The following CROCC2 variants were observed in gnomAD, a reference collection of about 807,000 sequenced individuals.
The protein encoded by CROCC2 is ciliary rootlet coiled-coil protein 2.
CROCC2 carries 163 observed loss-of-function variants against 177.6 expected under a neutral mutation model. That is an observed-to-expected ratio of 0.92 (90% CI 0.81 to 1.05). CROCC2 has a LOEUF of 1.05. Ranked by LOEUF, CROCC2 falls within the 50% of genes least tolerant of loss-of-function variation. The pLI is 0.00. For synonymous variants in CROCC2, 904 were observed against 787.3 expected, an observed-to-expected ratio of 1.15 and a Z score of -2.48; for missense variants, 1,929 against 1,797.8, an observed-to-expected ratio of 1.07 and a Z score of -1.32.
chr2:240,921,795 T>C (rs966788460), intron 3 of CROCC2, among the ~76,000 whole-genome samples: 4 of 152,232 alleles, frequency 2.6e-5, no homozygotes, highest in Non-Finnish European at 5.9e-5. Flanking sequence ...AGGGGCCCCT[T>C]GGCTCTCCCA....
At position 240,950,493 on chromosome 2, in the gene CROCC2, G is replaced by C. The variant is rs1192818491; in HGVS notation, c.2812G>C (p.Glu938Gln). Residue 938 changes from glutamate (E) to glutamine (Q), a missense_variant, in exon 18 of 32, where the codon GAG becomes CAG. Glu to Gln is a conservative substitution (Grantham distance 29, BLOSUM62 2). Coordinates refer to ENST00000690015, the MANE Select transcript of CROCC2 (RefSeq NM_001351305.2). ...QERDESLLQL[E>Q]HKMQQALSLK... ...GCGGGACGAGAGCCTTCTCCAACTG[G>C]AGCACAAGATGCAACAGGTGATGGT... 11 of 1,549,682 alleles carry C rather than the reference G, an allele frequency of 7.1e-6. No homozygotes were observed. In the Admixed American group the frequency reaches 1.6e-4, roughly 22 times the overall value.
chr2:240,911,099 C>G (rs113477302), intron 1 of CROCC2, among the ~76,000 whole-genome samples: 3,805 of 151,974 alleles, frequency 0.025, 148 homozygotes, highest in African/African-American at 0.086. Context: ...CCACTGTACT[C>G]CAGCCTGGGA....
intron 19 of CROCC2, among the ~76,000 whole-genome samples, chr2:240,956,612 C>G (rs1236796894): frequency 6.6e-6 from 1 of 152,200 alleles, no homozygotes; most frequent in Non-Finnish European, 1.5e-5. Flanking sequence ...CCTGGGTCCT[C>G]CCCTGGAGCC....
At position 240,958,716 on chromosome 2, in the gene CROCC2, C is replaced by G; in HGVS notation, c.2944-585C>G. On this transcript the variant is annotated intron_variant, in intron 19 of 31. Coordinates refer to ENST00000690015, the MANE Select transcript of CROCC2 (RefSeq NM_001351305.2). The surrounding 1 kb of genome is among the most constrained non-coding windows in gnomAD (Gnocchi z 6.7). Reference sequence around the variant, plus strand: ...CCAGGAAGCTGAGACCCCCTGAGCCCCATCTGCCCTGCTGCCGCAACCTGG... The same window carrying G: ...CCAGGAAGCTGAGACCCCCTGAGCCGCATCTGCCCTGCTGCCGCAACCTGG... 2.2e-6 allele frequency: 1 copy of G among 451,634 alleles called. No homozygotes were observed. The highest frequency in any genetic ancestry group is 2.9e-6 in the Non-Finnish European group (1 of 341,986). The allele number at this position is 451,634 out of a possible 1,614,324, so 28.0% of individuals were successfully genotyped here.
chr2:240,940,344 A>G (rs1409242090), intron 14 of CROCC2, among the ~76,000 whole-genome samples: 2 of 152,122 alleles, frequency 1.3e-5, no homozygotes, highest in Non-Finnish European at 2.9e-5. Flanking sequence ...ATCTCTAGCA[A>G]TACTCTTTTT....
chr2:240,981,318 C>G (rs2059797987), intron 27 of CROCC2, among the ~76,000 whole-genome samples: 1 of 152,202 alleles, frequency 6.6e-6, no homozygotes, highest in Non-Finnish European at 1.5e-5. Flanking sequence ...AGGCTCATCC[C>G]TGAGCACTCA....
At chr2:240,943,391 T>A (rs1243030850) in intron 14 of CROCC2, among the ~76,000 whole-genome samples, 1 of 152,154 alleles carries the variant, frequency 6.6e-6, no homozygotes, top group African/African-American at 2.4e-5. Context: ...GTTCCCCGGC[T>A]GCTTTGGTAT....
Position 240,992,824 on chromosome 2 carries a change from G to A in CROCC2, c.4947-242G>A, listed in dbSNP as rs114106491. On this transcript the variant is annotated intron_variant, in intron 31 of 31. Coordinates refer to ENST00000690015, the MANE Select transcript of CROCC2 (RefSeq NM_001351305.2). ...TGTGGTGCTCAGGGCCTGGCACTTA[G>A]TAGGCATGTCCCTTCCCTGCCTTCC... Among the ~76,000 whole-genome samples, 244 of 152,334 alleles carry A rather than the reference G, an allele frequency of 1.6e-3. 1 individual carries two copies. Among genetic ancestry groups the A allele is most frequent in the African/African-American group, 5.8e-3 (241 of 41,576 alleles).
chr2:240,958,167 C>T lies in CROCC2; in HGVS notation c.2944-1134C>T, dbSNP rs559087026. 2.6e-5 allele frequency: 26 copies of T among 985,404 alleles called. No individual in the cohort carries two copies. The highest frequency in any genetic ancestry group is 9.4e-5 in the South Asian group (2 of 21,292). The allele number at this position is 985,404 out of a possible 1,614,324, so 61.0% of individuals were successfully genotyped here. ...GGAATGCCGGCCAAGGAGCACCAGG[C>T]GCCAGATGACAGGACAGCGTGCGCC... On this transcript the variant is annotated intron_variant, in intron 19 of 31. Transcript: ENST00000690015. This position sits in a 1 kb window ranked among gnomAD's most constrained non-coding sequence, Gnocchi z 6.7.
rs771914981 is a variant in CROCC2, at chr2:240,934,968, A to G, written c.1844A>G (p.Glu615Gly). ...CTTCTTGTGAGGCGGCTGAAGTCGG[A>G]GGGAGTGGAGCAAAGGGACTCCCTG... ...LELLVRRLKS[E>G]GVEQRDSLAA... is the part of the protein sequence containing the mutation. Residue 615 changes from glutamate to glycine, a missense_variant, in exon 13 of 32, where the codon GAG (glutamate) becomes GGG (glycine). By Grantham distance (98) the Glu-to-Gly change is moderately conservative. Coordinates refer to ENST00000690015, the MANE Select transcript of CROCC2 (RefSeq NM_001351305.2). 103 of 1,512,304 alleles carry G rather than the reference A, an allele frequency of 6.8e-5. No homozygotes were observed. The highest frequency in any genetic ancestry group is 3.6e-4 in the Middle Eastern group (2 of 5,624). 93.7% of individuals were successfully genotyped at this position (1,512,304 alleles called of 1,614,324 possible). A position where few individuals can be genotyped will look rare whatever the true frequency, so the allele number is the denominator to read the frequency against.
rs1401981604 is a variant in CROCC2, at chr2:240,964,447, C to G, written c.3306-19C>G. 1 of 1,548,264 alleles carries G rather than the reference C, an allele frequency of 6.5e-7. No individual in the cohort carries two copies. Among genetic ancestry groups the G allele is most frequent in the Admixed American group, 2.0e-5 (1 of 50,988 alleles). On this transcript the variant is annotated intron_variant, in intron 21 of 31. Coordinates refer to ENST00000690015, the MANE Select transcript of CROCC2 (RefSeq NM_001351305.2). Reference sequence around the variant, plus strand: ...CCACCAGGAGGTGCGGGGGCCCCAGCCTGTGGCACCCTCGTCAGTTTTAAG... The same window carrying G: ...CCACCAGGAGGTGCGGGGGCCCCAGGCTGTGGCACCCTCGTCAGTTTTAAG...
intron 1 of CROCC2, among the ~76,000 whole-genome samples, chr2:240,911,087 C>T (rs1370602360): frequency 2.6e-5 from 4 of 152,016 alleles, no homozygotes; most frequent in South Asian, 4.2e-4. Flanking sequence ...GCCAAGATCG[C>T]ACCACTGTAC....
At position 240,957,804 on chromosome 2, in the gene CROCC2, C is replaced by T. The variant is rs1383566159; in HGVS notation, c.2944-1497C>T. ...TGCCCCTGAGGCCTGGAGGGTTCCACGGGGCCCAGGAGGACCAAGCTTGGC... is the reference window on the plus strand; with the variant it reads ...TGCCCCTGAGGCCTGGAGGGTTCCATGGGGCCCAGGAGGACCAAGCTTGGC... On this transcript the variant is annotated intron_variant, in intron 19 of 31. Transcript: ENST00000690015. Among the ~76,000 whole-genome samples, 5 of 152,218 alleles carry T rather than the reference C, an allele frequency of 3.3e-5. No individual in the cohort carries two copies. The East Asian group carries it at 5.8e-4, about 18-fold the overall frequency.
chr2:240,968,565 AG>A (rs1389893987), intron 27 of CROCC2, among the ~76,000 whole-genome samples: 1 of 152,132 alleles, frequency 6.6e-6, no homozygotes, highest in African/African-American at 2.4e-5. Context: ...CTGGGGGCAC[AG>A]CGAGTGGGGG....
At chr2:240,976,104 C>G (rs1054418880) in intron 27 of CROCC2, among the ~76,000 whole-genome samples, 1 of 152,270 alleles carries the variant, frequency 6.6e-6, no homozygotes, top group African/African-American at 2.4e-5. Flanking sequence ...GAGACTGACA[C>G]TGCAGCCCCA....
At chr2:240,976,170 A>AG (rs2059762981) in intron 27 of CROCC2, among the ~76,000 whole-genome samples, 1 of 149,652 alleles carries the variant, frequency 6.7e-6, no homozygotes, top group Non-Finnish European at 1.5e-5. Flanking sequence ...TAGGAGCCTC[A>AG]GAAGCCCAGG....
At position 240,988,880 on chromosome 2, in the gene CROCC2, G is replaced by A; in HGVS notation, c.4683+10G>A. ...AAATCAGCAGCTGCAGGTCAACTGG[G>A]CCAGTGGAGCTCTGCATACCCCAGG... is the stretch of plus-strand genomic sequence containing the variant. On this transcript the variant is annotated intron_variant, in intron 29 of 31. Transcript: ENST00000690015. 2 of 1,460,064 alleles carry A rather than the reference G, an allele frequency of 1.4e-6. No homozygotes were observed. Among genetic ancestry groups the A allele is most frequent in the Non-Finnish European group, 1.8e-6 (2 of 1,096,562 alleles). The allele number at this position is 1,460,064 out of a possible 1,614,324, so 90.4% of individuals were successfully genotyped here.
chr2:240,970,374 G>T (rs1027660541), intron 27 of CROCC2, among the ~76,000 whole-genome samples: 2 of 152,110 alleles, frequency 1.3e-5, no homozygotes, highest in African/African-American at 4.8e-5. Flanking sequence ...GCCTCTTCTG[G>T]GGGAATTTGT....
chr2:240,938,036 G>A (rs1297558593), intron 14 of CROCC2, among the ~76,000 whole-genome samples: 1 of 152,226 alleles, frequency 6.6e-6, no homozygotes, highest in Admixed American at 6.5e-5. Flanking sequence ...CTGTGAGTCT[G>A]TTAAATCTCT....
Sources: gnomAD v4.1 joint callset for allele counts (sites outside exome capture counted in the v4.1 genomes callset) on GRCh38, gnomAD v4.1.1 for gene constraint, Gnocchi (gnomAD v3.1) non-coding constraint, MANE v1.5 for transcripts, NCBI Gene and HGNC (gene_info 2026-07-23, HGNC 2026-07-21) for gene names.